EPHA6: variants seen among roughly 807,000 people sequenced by gnomAD.
EPHA6 encodes ephrin type-A receptor 6.
In EPHA6, 50 loss-of-function variants were observed where a neutral mutation model predicts 112.0. The ratio of observed to expected loss-of-function variants is 0.45; its 90% CI spans 0.36 to 0.56. The LOEUF is 0.56. EPHA6 is among the 20% of genes least tolerant of loss of function. EPHA6 has a pLI of 0.00. For synonymous variants in EPHA6, 529 were observed against 490.7 expected (o/e 1.08, Z -1.03); for missense variants, 1,280 against 1,417.4 (o/e 0.90, Z 1.56).
intron 16 of EPHA6, among the ~76,000 whole-genome samples, chr3:97,746,637 C>A (rs919133791): frequency 6.6e-6 from 1 of 151,682 alleles, no homozygotes; most frequent in African/African-American, 2.4e-5. Flanking sequence ...TATACCCTAG[C>A]CTTTCCAAAG....
chr3:97,280,139 C>A (rs550320497), intron 5 of EPHA6, among the ~76,000 whole-genome samples: 1 of 152,296 alleles, frequency 6.6e-6, no homozygotes, highest in African/African-American at 2.4e-5. Context: ...CCGCCTTGGC[C>A]TCCCAAAGTG....
chr3:97,706,990 G>A (rs2033713939), intron 14 of EPHA6, among the ~76,000 whole-genome samples: 1 of 152,058 alleles, frequency 6.6e-6, no homozygotes, highest in African/African-American at 2.4e-5. Context: ...AAGACTAAGG[G>A]AATGAATGAA....
intron 3 of EPHA6, among the ~76,000 whole-genome samples, chr3:97,122,717 G>A (rs754995505): frequency 2.0e-5 from 3 of 151,928 alleles, no homozygotes; most frequent in Non-Finnish European, 4.4e-5. Flanking sequence ...AGCCTTATAA[G>A]TTACTTCTGA....
intron 10 of EPHA6, among the ~76,000 whole-genome samples, chr3:97,484,769 C>T (rs1292742876): frequency 6.6e-6 from 1 of 152,206 alleles, no homozygotes; most frequent in East Asian, 1.9e-4. Context: ...CTGTTCTTGG[C>T]TCTTCCTTCC....
In EPHA6 at chr3:97,754,957, C is replaced by T. The variant is rs576821047; in HGVS notation, c.*6256C>T. ...TGACCTGGTGATCCAACCGCCTCGG[C>T]CTCCCAAAGTGGTGGGATTACAGGC... On this transcript the variant is annotated 3_prime_UTR_variant, in exon 18 of 18. Coordinates refer to ENST00000389672, the MANE Select transcript of EPHA6 (RefSeq NM_001080448.3). Among the ~76,000 whole-genome samples, 3 of 152,272 alleles carry T rather than the reference C, an allele frequency of 2.0e-5. No individual in the cohort carries two copies. The highest frequency in any genetic ancestry group is 2.1e-4 in the South Asian group (1 of 4,828).
intron 5 of EPHA6, among the ~76,000 whole-genome samples, chr3:97,294,690 G>A (rs2080813244): frequency 1.3e-5 from 2 of 151,996 alleles, no homozygotes; most frequent in South Asian, 4.1e-4. Context: ...TTGTGTGATT[G>A]CTCTACCAGT....
At chr3:97,377,325 C>A (rs537002301) in intron 5 of EPHA6, among the ~76,000 whole-genome samples, 1 of 152,100 alleles carries the variant, frequency 6.6e-6, no homozygotes, top group Non-Finnish European at 1.5e-5. Context: ...AAGTGCCTTT[C>A]GCCTCCCACC....
rs1170058322 is a variant in EPHA6 at position 97,450,757 on chromosome 3, C to A, written c.1894+2027C>A. ...ATATGTGCCATACTCATATGAGCCT[C>A]TGGGGATAAAAAATAATAATAAGAG... is the stretch of plus-strand genomic sequence containing the variant. On this transcript the variant is annotated intron_variant, in intron 7 of 17. Transcript: ENST00000389672. Among the ~76,000 whole-genome samples the A allele has an allele frequency of 2.0e-5, 3 of 152,096 alleles. No homozygotes were observed. The East Asian group carries it at 5.8e-4, about 29-fold the overall frequency.
chr3:97,133,939 T>C (rs961360954), intron 3 of EPHA6, among the ~76,000 whole-genome samples: 6 of 152,054 alleles, frequency 3.9e-5, no homozygotes, highest in Non-Finnish European at 8.8e-5. Flanking sequence ...ATGAGTATGA[T>C]ATATAAAATT....
intron 5 of EPHA6, among the ~76,000 whole-genome samples, chr3:97,382,240 A>G (rs926942924): frequency 6.6e-6 from 1 of 152,078 alleles, no homozygotes; most frequent in African/African-American, 2.4e-5. Flanking sequence ...GTTCATGGAA[A>G]TGTTCAGATA....
In EPHA6 at chr3:96,829,990, G is replaced by T. The variant is rs1000940097; in HGVS notation, c.385+14982G>T. ...ACACACACACACACACACACACACA[G>T]AAATGGTATGCTATTTGCTCCATAA... On this transcript the variant is annotated intron_variant, in intron 1 of 17. Transcript: ENST00000389672. Among the ~76,000 whole-genome samples the T allele has an allele frequency of 2.9e-4, 26 of 89,420 alleles. No homozygotes were observed. In the South Asian group the frequency reaches 0.011, roughly 38 times the overall value. 58.7% of individuals were successfully genotyped at this position (89,420 alleles called of 152,430 possible). A position where few individuals can be genotyped will look rare whatever the true frequency, so the allele number is the denominator to read the frequency against.
At chr3:96,831,194 T>C (rs1354324458) in intron 1 of EPHA6, among the ~76,000 whole-genome samples, 1 of 152,114 alleles carries the variant, frequency 6.6e-6, no homozygotes, top group Non-Finnish European at 1.5e-5. Context: ...TATAAAACCA[T>C]TTACTATGTG....
intron 3 of EPHA6, among the ~76,000 whole-genome samples, chr3:97,141,757 C>T (rs947100216): frequency 2.6e-5 from 4 of 151,770 alleles, no homozygotes; most frequent in African/African-American, 9.7e-5. Flanking sequence ...AACCTAATAT[C>T]GTAACTCAAG....
chr3:97,601,412 C>T (rs1314399330), intron 12 of EPHA6, among the ~76,000 whole-genome samples: 7 of 152,056 alleles, frequency 4.6e-5, no homozygotes, highest in Non-Finnish European at 8.8e-5. Flanking sequence ...CCATGTTGAG[C>T]CGCACAGGAT....
At chr3:97,647,412 A>G (rs1362725067) in intron 14 of EPHA6, among the ~76,000 whole-genome samples, 1 of 152,094 alleles carries the variant, frequency 6.6e-6, no homozygotes, top group Non-Finnish European at 1.5e-5. Flanking sequence ...ACTAAAATAC[A>G]TCAAGCTTTT....
Position 97,749,006 on chromosome 3 carries a change from TAACCTAAA to T in EPHA6, c.*308_*315del, listed in dbSNP as rs572462865. The T allele has an allele frequency of 8.3e-5, 27 of 325,598 alleles. No homozygotes were observed. The East Asian group carries it at 1.1e-3, about 14-fold the overall frequency. 20.2% of individuals were successfully genotyped at this position (325,598 alleles called of 1,614,324 possible). ...CGTATATGGGAAGTGTTCACGGACT[TAACCTAAA>T]AAAATTTATCCAGGTGGGGCTTCCT... On this transcript the variant is annotated 3_prime_UTR_variant, in exon 18 of 18. Transcript: ENST00000389672.
intron 3 of EPHA6, among the ~76,000 whole-genome samples, chr3:97,189,450 G>A (rs530981263): frequency 6.6e-6 from 1 of 151,958 alleles, no homozygotes; most frequent in Non-Finnish European, 1.5e-5. Flanking sequence ...TTAAAAACAA[G>A]CCTACTGTAT....
intron 3 of EPHA6, among the ~76,000 whole-genome samples, chr3:97,148,249 T>A (rs1262139540): frequency 1.3e-5 from 2 of 152,018 alleles, no homozygotes; most frequent in Non-Finnish European, 2.9e-5. Context: ...GCAGAAAGAT[T>A]GCTTGAGGCC....
chr3:97,736,428 C>T (rs1231213149), intron 16 of EPHA6, among the ~76,000 whole-genome samples: 3 of 147,382 alleles, frequency 2.0e-5, no homozygotes, highest in Admixed American at 1.4e-4. Context: ...ATTGATTGAT[C>T]CTTCCTTACC....
Sources: allele counts gnomAD v4.1 joint callset (sites outside exome capture counted in the v4.1 genomes callset), GRCh38; gene constraint gnomAD v4.1.1; transcripts MANE v1.5; gene names NCBI Gene and HGNC (gene_info 2026-07-23, HGNC 2026-07-21).